The following HS6ST3 variants were observed in gnomAD, a reference collection of about 807,000 sequenced individuals.
HS6ST3 encodes the protein heparan sulfate 6-O-sulfotransferase 3, also known as heparan-sulfate 6-O-sulfotransferase 3.
A neutral mutation model predicts 36.7 loss-of-function variants in HS6ST3; 12 were observed. The ratio of observed to expected loss-of-function variants is 0.33; its 90% CI spans 0.21 to 0.53. The LOEUF (loss-of-function observed/expected upper bound fraction) is 0.53, where lower values mean the gene tolerates loss of function less well. Among genes scored for constraint, HS6ST3 ranks in the 20% least tolerant of loss-of-function variants. HS6ST3 has a pLI of 0.95. For missense variants in HS6ST3, 584 were observed against 640.9 expected, an observed-to-expected ratio of 0.91 and a Z score of 0.96; for synonymous variants, 240 against 257.5, an observed-to-expected ratio of 0.93 and a Z score of 0.65.
intron 1 of HS6ST3, among the ~76,000 whole-genome samples, chr13:96,649,879 A>C (rs1193203615): frequency 6.6e-6 from 1 of 151,972 alleles, no homozygotes; most frequent in Non-Finnish European, 1.5e-5. Flanking sequence ...AATACTGTAG[A>C]TTTTGCTGTG....
At chr13:96,146,069 G>C (rs1410458302) in intron 1 of HS6ST3, among the ~76,000 whole-genome samples, 1 of 152,174 alleles carries the variant, frequency 6.6e-6, no homozygotes, top group Non-Finnish European at 1.5e-5. Context: ...TTGTAGTATA[G>C]TTTGAAGTCA....
At chr13:96,400,989 A>G (rs1325268383) in intron 1 of HS6ST3, among the ~76,000 whole-genome samples, 1 of 152,158 alleles carries the variant, frequency 6.6e-6, no homozygotes. Context: ...CATACTTATC[A>G]GGAATGAAAA....
intron 1 of HS6ST3, among the ~76,000 whole-genome samples, chr13:96,261,319 T>TAG (rs2054665582): frequency 6.7e-6 from 1 of 150,166 alleles, no homozygotes; most frequent in African/African-American, 2.4e-5. Flanking sequence ...TGATTTTATA[T>TAG]ATATATGTAT....
At chr13:96,324,347 C>T (rs1304801153) in intron 1 of HS6ST3, among the ~76,000 whole-genome samples, 5 of 152,076 alleles carry the variant, frequency 3.3e-5, no homozygotes, top group South Asian at 2.1e-4. Flanking sequence ...GAGAGCATAG[C>T]GTCCTGGAAA....
At chr13:96,126,080 C>T (rs973412576) in intron 1 of HS6ST3, among the ~76,000 whole-genome samples, 1 of 152,106 alleles carries the variant, frequency 6.6e-6, no homozygotes, top group Non-Finnish European at 1.5e-5. Context: ...ATTCCGTAAA[C>T]GCATGTGCTT....
rs558872169 is a variant in HS6ST3 at position 96,198,438 on chromosome 13, TAGTC to T, written c.707+106872_707+106875del. Among the ~76,000 whole-genome samples, 309 of 152,356 alleles carry T rather than the reference TAGTC, an allele frequency of 2.0e-3. 4 individuals carry two copies. Among genetic ancestry groups the T allele is most frequent in the African/African-American group, 7.2e-3 (299 of 41,584 alleles). ...AAATGGGTTTTTCTTTTCTATCACA[TAGTC>T]AGGCTGCAAATTTTCCAAACTTTTA... is the stretch of plus-strand genomic sequence containing the variant. On this transcript the variant is annotated intron_variant, in intron 1 of 1. Coordinates refer to ENST00000376705, the MANE Select transcript of HS6ST3 (RefSeq NM_153456.4).
chr13:96,827,435 T>C lies in HS6ST3; in HGVS notation c.708-5055T>C, dbSNP rs559689749. 3.3e-5 allele frequency among the ~76,000 whole-genome samples: 5 copies of C among 152,334 alleles called. No homozygotes were observed. In the East Asian group the frequency reaches 9.6e-4, roughly 29 times the overall value. ...AGAAGGTTCTTCAACCCTATTGGTT[T>C]ATTATTACTTCTAACTTTCTATTTA... is the stretch of plus-strand genomic sequence containing the variant. On this transcript the variant is annotated intron_variant, in intron 1 of 1. Coordinates refer to ENST00000376705, the MANE Select transcript of HS6ST3 (RefSeq NM_153456.4).
intron 1 of HS6ST3, among the ~76,000 whole-genome samples, chr13:96,112,110 G>A (rs1449130192): frequency 6.6e-6 from 1 of 152,056 alleles, no homozygotes; most frequent in East Asian, 1.9e-4. Flanking sequence ...ACATAAATAG[G>A]ACAGAAAGCC....
chr13:96,647,302 A>G lies in HS6ST3; in HGVS notation c.708-185188A>G, dbSNP rs147702537. Among the ~76,000 whole-genome samples the G allele has an allele frequency of 3.7e-4, 56 of 152,192 alleles. 1 individual carries two copies. The Middle Eastern group carries it at 0.014, about 37-fold the overall frequency. On this transcript the variant is annotated intron_variant, in intron 1 of 1. Coordinates refer to ENST00000376705, the MANE Select transcript of HS6ST3 (RefSeq NM_153456.4). Reference sequence around the variant, plus strand: ...ATGCTGTAACCCAAATCTAAATAGAACTTTAAAAAAGTGATATCACATGTC... The same window carrying G: ...ATGCTGTAACCCAAATCTAAATAGAGCTTTAAAAAAGTGATATCACATGTC...
At chr13:96,753,141 T>C (rs1010443336) in intron 1 of HS6ST3, among the ~76,000 whole-genome samples, 1 of 152,262 alleles carries the variant, frequency 6.6e-6, no homozygotes, top group Admixed American at 6.5e-5. Flanking sequence ...AATGTTTTAA[T>C]TGCTGTGGCA....
intron 1 of HS6ST3, among the ~76,000 whole-genome samples, chr13:96,448,732 A>G (rs746618581): frequency 5.3e-5 from 8 of 151,790 alleles, no homozygotes; most frequent in Non-Finnish European, 8.8e-5. Context: ...CCTCCTACCT[A>G]ATGTCTCTCT....
At chr13:96,697,755 A>G (rs1403467143) in intron 1 of HS6ST3, among the ~76,000 whole-genome samples, 2 of 152,186 alleles carry the variant, frequency 1.3e-5, no homozygotes, top group Non-Finnish European at 2.9e-5. Context: ...ATTATTTCCT[A>G]ACTTTGCCAA....
chr13:96,134,235 A>T (rs1394649510), intron 1 of HS6ST3, among the ~76,000 whole-genome samples: 1 of 151,946 alleles, frequency 6.6e-6, no homozygotes, highest in Non-Finnish European at 1.5e-5. Flanking sequence ...GAAAAGTTGA[A>T]ACTTTTTTTA....
chr13:96,230,589 G>A (rs188725862), intron 1 of HS6ST3, among the ~76,000 whole-genome samples: 3 of 152,202 alleles, frequency 2.0e-5, no homozygotes, highest in Admixed American at 2.0e-4. Context: ...GAGAAGAGGA[G>A]GTCCAAGGAT....
chr13:96,476,781 T>C (rs2055866389), intron 1 of HS6ST3, among the ~76,000 whole-genome samples: 1 of 152,154 alleles, frequency 6.6e-6, no homozygotes, highest in African/African-American at 2.4e-5. Flanking sequence ...ATGTTTATGC[T>C]GTTAATGATG....
intron 1 of HS6ST3, among the ~76,000 whole-genome samples, chr13:96,763,543 A>G (rs1316086206): frequency 6.6e-6 from 1 of 150,988 alleles, no homozygotes; most frequent in Non-Finnish European, 1.5e-5. Flanking sequence ...AATTTTATGT[A>G]TTTAATAATA....
At chr13:96,199,105 T>G (rs1271881125) in intron 1 of HS6ST3, among the ~76,000 whole-genome samples, 1 of 152,148 alleles carries the variant, frequency 6.6e-6, no homozygotes, top group Admixed American at 6.5e-5. Context: ...TTCACTGTCA[T>G]GAGAATAGCG....
At position 96,584,990 on chromosome 13, in the gene HS6ST3, A is replaced by G. The variant is rs186809968; in HGVS notation, c.708-247500A>G. ...ATTTAGGGTACTCTTAGCAGAGAAC[A>G]GTCAGATACTTGGAAAAAACAATGC... On this transcript the variant is annotated intron_variant, in intron 1 of 1. Transcript: ENST00000376705. 2.2e-4 allele frequency among the ~76,000 whole-genome samples: 34 copies of G among 152,350 alleles called. No individual in the cohort carries two copies. The East Asian group carries it at 4.8e-3, about 22-fold the overall frequency.
intron 1 of HS6ST3, among the ~76,000 whole-genome samples, chr13:96,254,274 C>G (rs1365117240): frequency 2.0e-5 from 3 of 150,690 alleles, no homozygotes; most frequent in Non-Finnish European, 3.0e-5. Context: ...ATTAGCTGGG[C>G]GTGGTGTTGC....
Sources: allele counts gnomAD v4.1 joint callset (sites outside exome capture counted in the v4.1 genomes callset), GRCh38; gene constraint gnomAD v4.1.1; transcripts MANE v1.5; gene names NCBI Gene and HGNC (gene_info 2026-07-23, HGNC 2026-07-21).